Variants in XPR1 observed in about 807,000 individuals in gnomAD.
XPR1 encodes the protein solute carrier family 53 member 1.
A neutral mutation model predicts 87.5 loss-of-function variants in XPR1; 28 were observed. That is an observed-to-expected ratio of 0.32 (90% CI 0.24 to 0.44). The LOEUF is 0.44. Ranked by LOEUF, XPR1 falls within the 20% of genes least tolerant of loss-of-function variation. XPR1 has a pLI of 1.00. For synonymous variants in XPR1, 300 were observed against 306.1 expected (o/e 0.98, Z 0.21); for missense variants, 559 against 862.3 (o/e 0.65, Z 4.41).
intron 2 of XPR1, among the ~76,000 whole-genome samples, chr1:180,756,823 A>G (rs780309069): frequency 2.6e-5 from 4 of 152,200 alleles, no homozygotes; most frequent in Non-Finnish European, 5.9e-5. Context: ...TCCATTTTGA[A>G]TTAATTTTCG....
intron 1 of XPR1, among the ~76,000 whole-genome samples, chr1:180,656,394 T>C (rs1283042289): frequency 1.9e-5 from 1 of 53,844 alleles, no homozygotes; most frequent in Non-Finnish European, 3.2e-5. Context: ...CATGTATTTA[T>C]ATATAAATAT....
At chr1:180,854,110 G>A (rs1318175188) in intron 11 of XPR1, among the ~76,000 whole-genome samples, 1 of 152,206 alleles carries the variant, frequency 6.6e-6, no homozygotes, top group African/African-American at 2.4e-5. Context: ...TCTATTTTTA[G>A]CTCTCAGGAA....
At chr1:180,785,740 T>C (rs1340684014) in intron 2 of XPR1, among the ~76,000 whole-genome samples, 1 of 151,964 alleles carries the variant, frequency 6.6e-6, no homozygotes, top group Non-Finnish European at 1.5e-5. Context: ...AACTTGTCTG[T>C]TAAGAGGAAA....
At chr1:180,730,595 TC>T (rs1251711757) in intron 2 of XPR1, among the ~76,000 whole-genome samples, 1 of 152,220 alleles carries the variant, frequency 6.6e-6, no homozygotes, top group Admixed American at 6.5e-5. Context: ...CCAGGCTCTA[TC>T]ACAGCTACTT....
At chr1:180,752,560 A>T (rs1478648532) in intron 2 of XPR1, among the ~76,000 whole-genome samples, 1 of 150,876 alleles carries the variant, frequency 6.6e-6, no homozygotes, top group East Asian at 1.9e-4. Context: ...TCTCCCTACC[A>T]CGTTTCTTTG....
At chr1:180,860,344 A>G (rs1276057167) in intron 11 of XPR1, among the ~76,000 whole-genome samples, 2 of 152,134 alleles carry the variant, frequency 1.3e-5, no homozygotes, top group Non-Finnish European at 2.9e-5. Flanking sequence ...ATACAACCCA[A>G]CAGTCTCACT....
chr1:180,634,694 C>T (rs1351513857), intron 1 of XPR1, among the ~76,000 whole-genome samples: 1 of 152,024 alleles, frequency 6.6e-6, no homozygotes, highest in African/African-American at 2.4e-5. Context: ...GGTTTCTAGC[C>T]TAGGGTGCTT....
intron 11 of XPR1, 155 bp downstream of exon 11, chr1:180,836,871 GT>G: frequency 1.2e-6 from 1 of 803,880 alleles, no homozygotes; most frequent in Non-Finnish European, 1.9e-6. Context: ...CTTGAATGCA[GT>G]TTTAGTCTCA....
chr1:180,808,328 A>G (rs967592208), intron 6 of XPR1, among the ~76,000 whole-genome samples: 1 of 152,018 alleles, frequency 6.6e-6, no homozygotes, highest in South Asian at 2.1e-4. Flanking sequence ...ACTTCACAAC[A>G]TACAGTTCTA....
At chr1:180,655,471 G>A (rs61809307) in intron 1 of XPR1, among the ~76,000 whole-genome samples, 8,070 of 149,996 alleles carry the variant, frequency 0.054, 317 homozygotes, top group Non-Finnish European at 0.079. Context: ...TGCGATCTTG[G>A]CTCACTGCAA....
rs756454749 is a variant in XPR1, at chr1:180,873,987, A to G, written c.1808+45A>G. 2.6e-6 allele frequency: 4 copies of G among 1,564,624 alleles called. No homozygotes were observed. In the Admixed American group the frequency reaches 5.5e-5, roughly 22 times the overall value. ...GTTTATTAAAGATTCTTTTTAACCT[A>G]AAAGACACCCAATACTTACAAATTA... On this transcript the variant is annotated intron_variant, in intron 13 of 14. Coordinates refer to ENST00000367590, the MANE Select transcript of XPR1 (RefSeq NM_004736.4).
chr1:180,803,334 CAGT>C (rs1649863571), intron 3 of XPR1, 51 bp from the exon 4 acceptor site: 3 of 1,518,154 alleles, frequency 2.0e-6, no homozygotes, highest in Non-Finnish European at 2.7e-6. Context: ...ATTCAGAAGT[CAGT>C]AGGAACTTTT....
intron 2 of XPR1, among the ~76,000 whole-genome samples, chr1:180,781,138 C>T (rs1213934553): frequency 6.6e-6 from 1 of 151,386 alleles, no homozygotes; most frequent in Non-Finnish European, 1.5e-5. Flanking sequence ...CATTCTTTTG[C>T]ATGTGACTAT....
At chr1:180,686,471 G>T (rs1419691996) in intron 2 of XPR1, among the ~76,000 whole-genome samples, 2 of 152,132 alleles carry the variant, frequency 1.3e-5, no homozygotes, top group African/African-American at 4.8e-5. Context: ...CTGTTATTTG[G>T]GGTGGAGAGT....
intron 2 of XPR1, among the ~76,000 whole-genome samples, chr1:180,724,758 C>T (rs917040624): frequency 6.6e-6 from 1 of 152,112 alleles, no homozygotes; most frequent in Non-Finnish European, 1.5e-5. Context: ...AAGATGCCTT[C>T]AGTCAATGAA....
chr1:180,793,504 A>G (rs1285429214), intron 3 of XPR1, among the ~76,000 whole-genome samples: 2 of 152,008 alleles, frequency 1.3e-5, no homozygotes, highest in African/African-American at 2.4e-5. Flanking sequence ...TGTGTGTTAA[A>G]ATGTAGATTA....
intron 1 of XPR1, among the ~76,000 whole-genome samples, chr1:180,636,638 C>T (rs917458830): frequency 6.6e-6 from 1 of 152,134 alleles, no homozygotes; most frequent in African/African-American, 2.4e-5. Context: ...CAGTCCTAAT[C>T]TGGGAAGCAT....
At chr1:180,656,551 T>A (rs1655524536) in intron 1 of XPR1, among the ~76,000 whole-genome samples, 1 of 42,020 alleles carries the variant, frequency 2.4e-5, no homozygotes. Flanking sequence ...ATTTATATAT[T>A]TATATGTATA....
In XPR1 at chr1:180,880,978, G is replaced by A. The variant is rs371534377; in HGVS notation, c.2030+681G>A. Among the ~76,000 whole-genome samples the A allele has an allele frequency of 6.2e-4, 95 of 152,188 alleles. No individual in the cohort carries two copies. In the South Asian group the frequency reaches 0.013, roughly 21 times the overall value. On this transcript the variant is annotated intron_variant, in intron 14 of 14. Transcript: ENST00000367590. ...AAGGAGGCTTAGGTTGAGGATGAACGGTTTTCTAAAGGATAAGGGAGTGAA... is the reference window on the plus strand; with the variant it reads ...AAGGAGGCTTAGGTTGAGGATGAACAGTTTTCTAAAGGATAAGGGAGTGAA...
Sources: allele counts gnomAD v4.1 joint callset (sites outside exome capture counted in the v4.1 genomes callset), GRCh38; gene constraint gnomAD v4.1.1; transcripts MANE v1.5; gene names NCBI Gene and HGNC (gene_info 2026-07-23, HGNC 2026-07-21).